Variants in TFDP1 observed in about 807,000 individuals in gnomAD.
The protein encoded by TFDP1 is DRTF1-polypeptide 1.
A neutral mutation model predicts 48.0 loss-of-function variants in TFDP1; 6 were observed. The observed-to-expected ratio is 0.13, with a 90% CI of 0.07 to 0.25. The LOEUF (loss-of-function observed/expected upper bound fraction) is 0.25. TFDP1 is among the 10% of genes least tolerant of loss of function. The probability of loss-of-function intolerance (pLI) is 1.00; values close to 1 mark genes in which losing one functional copy is unlikely to be tolerated. For synonymous variants in TFDP1, 201 were observed against 211.6 expected, an observed-to-expected ratio of 0.95 and a Z score of 0.44; for missense variants, 335 against 543.0, an observed-to-expected ratio of 0.62 and a Z score of 3.81.
intron 2 of TFDP1, among the ~76,000 whole-genome samples, chr13:113,587,879 A>G (rs2048044345): frequency 6.6e-6 from 1 of 151,996 alleles, no homozygotes; most frequent in Admixed American, 6.5e-5. Flanking sequence ...GTTTTTTGAG[A>G]CGGAGTTTTG....
chr13:113,617,325 G>T (rs912100281), intron 3 of TFDP1, among the ~76,000 whole-genome samples: 1 of 152,006 alleles, frequency 6.6e-6, no homozygotes, highest in African/African-American at 2.4e-5. Flanking sequence ...GCTTAGGCAG[G>T]AGCTTCCTCC....
chr13:113,602,007 G>C (rs565078106), intron 2 of TFDP1, among the ~76,000 whole-genome samples: 25 of 152,192 alleles, frequency 1.6e-4, no homozygotes, highest in African/African-American at 5.5e-4. Context: ...CGCAGGAGTC[G>C]AGGGAGGAGC....
Position 113,637,486 on chromosome 13 carries a change from A to G in TFDP1, c.1007-332A>G, listed in dbSNP as rs1487257187. The G allele has an allele frequency of 4.3e-6, 4 of 934,264 alleles. No individual in the cohort carries two copies. In the African/African-American group the frequency reaches 6.8e-5, roughly 16 times the overall value. The allele number at this position is 934,264 out of a possible 1,614,324, so 57.9% of individuals were successfully genotyped here. ...TGGAGCTGCCAGGATGGGCTGTGGG[A>G]AGAGGGTTTCAGCTTGACACTTTGA... On this transcript the variant is annotated intron_variant, in intron 10 of 11. Transcript: ENST00000375370.
At chr13:113,609,710 G>C (rs149208194) in intron 2 of TFDP1, among the ~76,000 whole-genome samples, 324 of 152,104 alleles carry the variant, frequency 2.1e-3, no homozygotes, top group African/African-American at 7.7e-3. Flanking sequence ...CCAGGGGGTT[G>C]TGGCGTCTCC....
At chr13:113,606,134 T>G (rs1308165213) in intron 2 of TFDP1, among the ~76,000 whole-genome samples, 6 of 140,018 alleles carry the variant, frequency 4.3e-5, no homozygotes, top group Non-Finnish European at 7.7e-5. Context: ...CTGCAGGGGA[T>G]CCTGTGGGAA....
intron 2 of TFDP1, among the ~76,000 whole-genome samples, chr13:113,596,608 G>A (rs78602649): frequency 0.024 from 3,613 of 152,312 alleles, 140 homozygotes; most frequent in African/African-American, 0.082. Flanking sequence ...TGTAGGCTCC[G>A]TGTCTGGGAG....
chr13:113,635,802 G>A (rs1050681599), intron 8 of TFDP1, among the ~76,000 whole-genome samples, 175 bp from the exon 9 acceptor site: 2 of 152,168 alleles, frequency 1.3e-5, no homozygotes, highest in East Asian at 1.9e-4. Flanking sequence ...TTTCCTGAGC[G>A]CTTTTCTCCC....
intron 2 of TFDP1, among the ~76,000 whole-genome samples, chr13:113,594,583 A>C (rs1162422050): frequency 7.8e-6 from 1 of 128,670 alleles, no homozygotes; most frequent in African/African-American, 3.0e-5. Context: ...TGTGGTGTGC[A>C]TGAGTCCTCA....
In TFDP1 at chr13:113,640,191, T is replaced by G. The variant is rs747501439; in HGVS notation, c.1157T>G (p.Val386Gly). The G allele has an allele frequency of 2.5e-6, 4 of 1,613,422 alleles. No individual in the cohort carries two copies. The South Asian group carries it at 4.4e-5, about 18-fold the overall frequency. The part of the protein sequence containing the change: ...SNGSQYSGSR[V>G]ETPVSYVGED... Reference sequence around the variant, plus strand: ...GGGTCTCAGTACAGCGGCTCCAGGGTGGAGACTCCGGTGTCCTACGTCGGG... The same window carrying G: ...GGGTCTCAGTACAGCGGCTCCAGGGGGGAGACTCCGGTGTCCTACGTCGGG... Residue 386 changes from valine (V) to glycine (G), a missense_variant, in exon 12 of 12, where the codon GTG becomes GGG. Physicochemically the swap from Val to Gly is moderately radical, Grantham distance 109. Coordinates refer to ENST00000375370, the MANE Select transcript of TFDP1 (RefSeq NM_007111.5).
intron 4 of TFDP1, among the ~76,000 whole-genome samples, chr13:113,630,527 C>CA (rs1381755702): frequency 6.6e-6 from 1 of 152,164 alleles, no homozygotes; most frequent in Non-Finnish European, 1.5e-5. Context: ...GCATCGGCCA[C>CA]ATGAAGCCCC....
chr13:113,610,831 G>A (rs1034825188), intron 2 of TFDP1, among the ~76,000 whole-genome samples, 165 bp from the exon 3 acceptor site: 3 of 152,180 alleles, frequency 2.0e-5, no homozygotes, highest in African/African-American at 7.2e-5. Context: ...TTCCTTCTCC[G>A]GACCTGGCGT....
intron 4 of TFDP1, among the ~76,000 whole-genome samples, chr13:113,630,569 C>G (rs962286171): frequency 3.3e-5 from 5 of 152,132 alleles, no homozygotes; most frequent in African/African-American, 1.2e-4. Context: ...AGCTCCAATC[C>G]CTTTAACGGA....
At chr13:113,594,503 G>A (rs532513792) in intron 2 of TFDP1, among the ~76,000 whole-genome samples, 5 of 150,220 alleles carry the variant, frequency 3.3e-5, no homozygotes, top group Admixed American at 2.6e-4. Flanking sequence ...TATGGTGTGC[G>A]CGGGTCCTCA....
At chr13:113,609,876 C>T (rs1486467512) in intron 2 of TFDP1, among the ~76,000 whole-genome samples, 12 of 152,226 alleles carry the variant, frequency 7.9e-5, no homozygotes, top group Admixed American at 7.8e-4. Context: ...TGTGTGCTCA[C>T]ACTCAGGCTG....
intron 10 of TFDP1, 73 bp downstream of exon 10, chr13:113,636,773 C>T (rs1026947608): frequency 1.3e-6 from 2 of 1,526,550 alleles, no homozygotes; most frequent in Non-Finnish European, 1.8e-6. Context: ...GCCCTCCCCT[C>T]CCGGCTCGGG....
chr13:113,610,343 G>T (rs888205184), intron 2 of TFDP1, among the ~76,000 whole-genome samples: 2 of 151,730 alleles, frequency 1.3e-5, no homozygotes, highest in Non-Finnish European at 2.9e-5. Flanking sequence ...TGTCATGCGT[G>T]TGCCCCCACC....
Position 113,636,072 on chromosome 13 carries a change from C to T in TFDP1, c.783C>T (p.Phe261=). 1 of 1,614,238 alleles carries T rather than the reference C, an allele frequency of 6.2e-7. No individual in the cohort carries two copies. Among genetic ancestry groups the T allele is most frequent in the African/African-American group, 1.3e-5 (1 of 75,064 alleles). ...PPPNSVIHLP[F]IIVNTSKKTV... is the part of the protein sequence containing the mutation. ...CCAACTCAGTCATCCACCTGCCCTTCATCATCGTCAACACCAGCAAGAAGA... is the reference window on the plus strand; with the variant it reads ...CCAACTCAGTCATCCACCTGCCCTTTATCATCGTCAACACCAGCAAGAAGA... The change falls in exon 9 of 12, where the codon TTC becomes TTT. Residue 261 remains phenylalanine, a synonymous_variant. Coordinates refer to ENST00000375370, the MANE Select transcript of TFDP1 (RefSeq NM_007111.5).
In TFDP1 at chr13:113,623,396, C is replaced by T. The variant is rs923428833; in HGVS notation, c.186+110C>T. The T allele has an allele frequency of 1.0e-4, 102 of 989,316 alleles. No individual in the cohort carries two copies. The highest frequency in any genetic ancestry group is 1.4e-4 in the Non-Finnish European group (93 of 664,718). 61.3% of individuals were successfully genotyped at this position (989,316 alleles called of 1,614,324 possible). On this transcript the variant is annotated intron_variant, in intron 4 of 11. Transcript: ENST00000375370. This position sits in a 1 kb window ranked among gnomAD's most constrained non-coding sequence, Gnocchi z 5.2. The stretch of plus-strand genomic sequence containing the variant: ...TGTGCCTGGATTTGGGCTCCAGTTG[C>T]AGCATGGGGCCTTTCCCTCATCAGG...
chr13:113,609,678 CCTGA>C (rs1211895001), intron 2 of TFDP1, among the ~76,000 whole-genome samples: 3 of 151,706 alleles, frequency 2.0e-5, no homozygotes, highest in Non-Finnish European at 2.9e-5. Context: ...TGGTGTGTCC[CCTGA>C]CTGTTACCTG....
Sources: gnomAD v4.1 joint callset for allele counts (sites outside exome capture counted in the v4.1 genomes callset) on GRCh38, gnomAD v4.1.1 for gene constraint, Gnocchi (gnomAD v3.1) non-coding constraint, MANE v1.5 for transcripts, NCBI Gene and HGNC (gene_info 2026-07-23, HGNC 2026-07-21) for gene names.